SLC35D4: variants seen among roughly 807,000 people sequenced by gnomAD.
The protein encoded by SLC35D4 is UDP-N-acetylglucosamine transporter SLC35D4.
chr18:23,354,360 A>AG, the SLC35D4 span, among the ~76,000 whole-genome samples: 2 of 150,110 alleles, frequency 1.3e-5, no homozygotes. Flanking sequence ...AAAAAAAAAA[A>AG]AAAAAAGAAA....
At chr18:23,435,489 A>C in the SLC35D4 span, among the ~76,000 whole-genome samples, 1 of 152,224 alleles carries the variant, frequency 6.6e-6, no homozygotes, top group Non-Finnish European at 1.5e-5. Flanking sequence ...GGTGCTACAA[A>C]AAACAAACAA....
the SLC35D4 span, among the ~76,000 whole-genome samples, chr18:23,249,412 C>G: frequency 2.0e-5 from 3 of 152,240 alleles, no homozygotes; most frequent in African/African-American, 7.2e-5. Context: ...TGGGCAATAG[C>G]CAGACAAGGA....
At chr18:23,428,185 G>T in the SLC35D4 span, among the ~76,000 whole-genome samples, 2 of 140,372 alleles carry the variant, frequency 1.4e-5, no homozygotes, top group South Asian at 4.4e-4. Flanking sequence ...AAAATTAAAA[G>T]AATTTATTAA....
chr18:23,254,613 C>T, the SLC35D4 span, among the ~76,000 whole-genome samples: 3 of 152,154 alleles, frequency 2.0e-5, no homozygotes, highest in Non-Finnish European at 4.4e-5. Flanking sequence ...ATGTATTTCT[C>T]ATAGTTTTGG....
the SLC35D4 span, among the ~76,000 whole-genome samples, chr18:23,309,934 A>G: frequency 6.6e-6 from 1 of 152,182 alleles, no homozygotes; most frequent in South Asian, 2.1e-4. Flanking sequence ...CCTCTGAGCC[A>G]AGCATTTGGT....
At chr18:23,384,883 G>A in the SLC35D4 span, 48 of 930,460 alleles carry the variant, frequency 5.2e-5, 1 homozygote, top group South Asian at 6.7e-4. Flanking sequence ...CTTGCCTGGA[G>A]ATTGGTGGCA....
chr18:23,367,413 G>C, the SLC35D4 span, among the ~76,000 whole-genome samples: 3 of 152,282 alleles, frequency 2.0e-5, no homozygotes, highest in South Asian at 6.2e-4. Context: ...GAGGGTGGGG[G>C]ACTGGGGCCC....
chr18:23,363,823 T>C, the SLC35D4 span, among the ~76,000 whole-genome samples: 40 of 152,188 alleles, frequency 2.6e-4, 1 homozygote, highest in Non-Finnish European at 2.1e-4. Flanking sequence ...CATTTAGGGT[T>C]ACCAGTATGG....
At chr18:23,360,520 A>T in the SLC35D4 span, among the ~76,000 whole-genome samples, 1 of 152,220 alleles carries the variant, frequency 6.6e-6, no homozygotes, top group African/African-American at 2.4e-5. Flanking sequence ...TGAGCCAGAC[A>T]CAAAAAGTAC....
At chr18:23,317,641 G>C in the SLC35D4 span, among the ~76,000 whole-genome samples, 1 of 152,178 alleles carries the variant, frequency 6.6e-6, no homozygotes. Flanking sequence ...AACAGCATCA[G>C]TGTCACTTGT....
the SLC35D4 span, chr18:23,399,461 A>G: frequency 9.7e-7 from 1 of 1,030,110 alleles, no homozygotes; most frequent in East Asian, 2.5e-5. Flanking sequence ...CATTATTATC[A>G]TTATTAAAGT....
the SLC35D4 span, among the ~76,000 whole-genome samples, chr18:23,280,440 C>T: frequency 6.6e-6 from 1 of 152,238 alleles, no homozygotes; most frequent in Non-Finnish European, 1.5e-5. Context: ...CTGAATCTGT[C>T]CTGTCAGAGT....
the SLC35D4 span, chr18:23,253,211 G>C: frequency 1.7e-6 from 1 of 605,484 alleles, no homozygotes; most frequent in Admixed American, 2.4e-5. Context: ...AGCCGGGCAT[G>C]GTGGCTCACA....
chr18:23,398,636 T>C, the SLC35D4 span, among the ~76,000 whole-genome samples: 2 of 152,234 alleles, frequency 1.3e-5, no homozygotes, highest in African/African-American at 2.4e-5. Flanking sequence ...AAAATGATTA[T>C]TTAATTTCAA....
At chr18:23,332,825 G>C in the SLC35D4 span, among the ~76,000 whole-genome samples, 1 of 151,446 alleles carries the variant, frequency 6.6e-6, no homozygotes, top group Non-Finnish European at 1.5e-5. Flanking sequence ...TTTCTGTGAA[G>C]TGTATGCAAT....
chr18:23,372,775 T>G, the SLC35D4 span, among the ~76,000 whole-genome samples: 1,007 of 152,228 alleles, frequency 6.6e-3, 10 homozygotes, highest in African/African-American at 0.023. Flanking sequence ...CTTGACTGTT[T>G]CCCTCCCCTT....
chr18:23,412,593 T>C, the SLC35D4 span, among the ~76,000 whole-genome samples: 16 of 152,308 alleles, frequency 1.1e-4, no homozygotes, highest in Admixed American at 2.6e-4. Context: ...CTCTTCCTCC[T>C]GACTCAGAGA....
chr18:23,297,785 A>T, the SLC35D4 span: 1 of 523,910 alleles, frequency 1.9e-6, no homozygotes, highest in Non-Finnish European at 3.5e-6. Context: ...TGACCTGCAG[A>T]CCCCCAGAAA....
chr18:23,259,334 G>A, the SLC35D4 span: 1 of 152,242 alleles, frequency 6.6e-6, no homozygotes, highest in Non-Finnish European at 1.5e-5. Context: ...AGTGGGGTGG[G>A]GGGAGGGACG....
Sources: allele counts gnomAD v4.1 joint callset (sites outside exome capture counted in the v4.1 genomes callset), GRCh38; gene constraint gnomAD v4.1.1; transcripts MANE v1.5; gene names NCBI Gene and HGNC (gene_info 2026-07-23, HGNC 2026-07-21).